The following USP40 variants were observed in gnomAD, a reference collection of about 807,000 sequenced individuals.
USP40 encodes ubiquitin carboxyl-terminal hydrolase 40.
A neutral mutation model predicts 166.2 loss-of-function variants in USP40; 143 were observed. That is an observed-to-expected ratio of 0.86 (90% CI 0.75 to 0.99). The LOEUF is 0.99. Ranked by LOEUF, USP40 falls within the 50% of genes least tolerant of loss-of-function variation. USP40 has a pLI of 0.00. For synonymous variants in USP40, 498 were observed against 524.0 expected, an observed-to-expected ratio of 0.95 and a Z score of 0.68; for missense variants, 1,444 against 1,479.7, an observed-to-expected ratio of 0.98 and a Z score of 0.40.
rs750860688 is a variant in USP40 at position 233,489,404 on chromosome 2, C to T, written c.3092G>A (p.Arg1031His). 1.1e-5 allele frequency: 18 copies of T among 1,602,228 alleles called. No homozygotes were observed. The highest frequency in any genetic ancestry group is 5.1e-5 in the Admixed American group (3 of 58,616). The change falls in exon 27 of 32, where the codon CGC becomes CAC. Residue 1031 changes from arginine to histidine, a missense_variant. Transcript: ENST00000678225. ...HLRAWTVERKRPGRLLRTDRQ... is the reference protein window; with the variant it reads ...HLRAWTVERKHPGRLLRTDRQ... ...GTCAGTTCGTAAAAGCCTGCCTGGG[C>T]GCTTCCTCTCCACCGTCCAGGCTCT... is the stretch of plus-strand genomic sequence containing the variant.
rs759195475 is a variant in USP40, at chr2:233,486,674, T to A, written c.3198-697A>T. 2.6e-5 allele frequency among the ~76,000 whole-genome samples: 4 copies of A among 152,166 alleles called. No homozygotes were observed. Among genetic ancestry groups the A allele is most frequent in the Non-Finnish European group, 5.9e-5 (4 of 68,032 alleles). ...GAATGATTTTTAGATGTACTTCTAT[T>A]AAGTGTTTTTACCATCAAAAGAGGT... On this transcript the variant is annotated intron_variant, in intron 28 of 31. Transcript: ENST00000678225. This position sits in a 1 kb window ranked among gnomAD's most constrained non-coding sequence, Gnocchi z 4.0.
chr2:233,547,388 C>T (rs2070062767), intron 8 of USP40, among the ~76,000 whole-genome samples: 1 of 152,138 alleles, frequency 6.6e-6, no homozygotes, highest in Non-Finnish European at 1.5e-5. Flanking sequence ...GTTCCAAATA[C>T]AACTGATAGA....
intron 5 of USP40, among the ~76,000 whole-genome samples, chr2:233,554,869 G>C (rs906461007): frequency 5.3e-5 from 8 of 152,170 alleles, no homozygotes; most frequent in African/African-American, 1.7e-4. Context: ...TACTGTTTTA[G>C]ACTAGACTAT....
chr2:233,523,584 A>C, intron 15 of USP40, 95 bp from the exon 16 acceptor site: 4 of 1,170,460 alleles, frequency 3.4e-6, no homozygotes, highest in Non-Finnish European at 3.5e-6. Flanking sequence ...AACAACCCTC[A>C]TTTTTTCCAA....
At chr2:233,496,892 T>A in intron 23 of USP40, 60 bp from the exon 24 acceptor site, 2 of 1,350,824 alleles carry the variant, frequency 1.5e-6, no homozygotes, top group Non-Finnish European at 2.1e-6. Flanking sequence ...AGATCATTGA[T>A]CTTTTTAAAA....
Position 233,554,493 on chromosome 2 carries a change from T to C in USP40, c.580A>G (p.Asn194Asp). 3.7e-6 allele frequency: 6 copies of C among 1,611,788 alleles called. No homozygotes were observed. Among genetic ancestry groups the C allele is most frequent in the Non-Finnish European group, 5.1e-6 (6 of 1,179,230 alleles). ...AGAGCATCTTCCAAACCGGATACAT[T>C]TTTGACTGCTACTGTTAGATCTAAG... ...DFLDLTVAVKNVSGLEDALWN... is the reference protein window; with the variant it reads ...DFLDLTVAVKDVSGLEDALWN... Residue 194 changes from asparagine to aspartate, a missense_variant, in exon 6 of 32, where the codon AAT (asparagine) becomes GAT (aspartate). By Grantham distance (23) the Asn-to-Asp change is conservative (BLOSUM62 1). Coordinates refer to ENST00000678225, the MANE Select transcript of USP40 (RefSeq NM_001365479.2).
intron 26 of USP40, 108 bp downstream of exon 26, chr2:233,491,059 A>G (rs979829665): frequency 1.6e-5 from 14 of 883,000 alleles, no homozygotes; most frequent in Non-Finnish European, 2.6e-5. Context: ...GACAAATGCC[A>G]TATCAGAACA....
chr2:233,489,401 G>C lies in USP40; in HGVS notation c.3095C>G (p.Pro1032Arg), dbSNP rs766621632. The change falls in exon 27 of 32, where the codon CCA (proline) becomes CGA (arginine). Residue 1032 changes from proline to arginine, a missense_variant. Transcript: ENST00000678225. ...LRAWTVERKRPGRLLRTDRQP... is the reference protein window; with the variant it reads ...LRAWTVERKRRGRLLRTDRQP... ...CCGGTCAGTTCGTAAAAGCCTGCCT[G>C]GGCGCTTCCTCTCCACCGTCCAGGC... 4 of 1,601,498 alleles carry C rather than the reference G, an allele frequency of 2.5e-6. No individual in the cohort carries two copies. The highest frequency in any genetic ancestry group is 2.6e-6 in the Non-Finnish European group (3 of 1,174,366).
intron 10 of USP40, 141 bp from the exon 11 acceptor site, chr2:233,533,920 T>A (rs1249804630): frequency 1.2e-6 from 1 of 845,132 alleles, no homozygotes; most frequent in Non-Finnish European, 1.8e-6. Flanking sequence ...CGGGGGAAAA[T>A]CCATCTAGGT....
chr2:233,549,199 C>G lies in USP40; in HGVS notation c.868G>C (p.Asp290His), dbSNP rs767088839. Reference sequence around the variant, plus strand: ...TTGTGTATAATAACTGAGAAGAGGTCATATATATATTCTAAGTCATCCAAT... The same window carrying G: ...TTGTGTATAATAACTGAGAAGAGGTGATATATATATTCTAAGTCATCCAAT... ...SELDDLEYIY[D>H]LFSVIIHKGG... Residue 290 changes from aspartate to histidine, a missense_variant, in exon 8 of 32, where the codon GAC becomes CAC. By Grantham distance (81) the Asp-to-His change is moderately conservative. Coordinates refer to ENST00000678225, the MANE Select transcript of USP40 (RefSeq NM_001365479.2). 6.7e-7 allele frequency: 1 copy of G among 1,502,656 alleles called. No individual in the cohort carries two copies. The highest frequency in any genetic ancestry group is 9.2e-7 in the Non-Finnish European group (1 of 1,091,622). The allele number at this position is 1,502,656 out of a possible 1,614,324, so 93.1% of individuals were successfully genotyped here.
At chr2:233,522,175 C>G (rs2067703912) in intron 16 of USP40, among the ~76,000 whole-genome samples, 1 of 152,110 alleles carries the variant, frequency 6.6e-6, no homozygotes, top group East Asian at 1.9e-4. Context: ...TAATGGAAAG[C>G]AGGATACAAC....
At chr2:233,494,916 A>ATTTATATATATATATATATT (rs3075063) in intron 24 of USP40, among the ~76,000 whole-genome samples, 1 of 8,578 alleles carries the variant, frequency 1.2e-4, no homozygotes, top group African/African-American at 6.5e-4. Flanking sequence ...GCAAAATGGC[A>ATTTATATATATATATATATT]TATATATATA....
chr2:233,555,938 C>T (rs1017209839), intron 5 of USP40, among the ~76,000 whole-genome samples: 2 of 151,638 alleles, frequency 1.3e-5, no homozygotes, highest in Admixed American at 1.3e-4. Flanking sequence ...CATGGTGAAA[C>T]CCCGTCTCTA....
rs142048378 is a variant in USP40 at position 233,506,008 on chromosome 2, A to G, written c.2613+4041T>C. On this transcript the variant is annotated intron_variant, in intron 21 of 31. Transcript: ENST00000678225. ...ATTCATCCCAAGGATGAAAAAATTC[A>G]TAAGGAACCACAAAAAAACCCAAAT... is the stretch of plus-strand genomic sequence containing the variant. Among the ~76,000 whole-genome samples, 977 of 152,284 alleles carry G rather than the reference A, an allele frequency of 6.4e-3. 4 individuals are homozygous for G. The highest frequency in any genetic ancestry group is 0.022 in the African/African-American group (924 of 41,558).
intron 21 of USP40, among the ~76,000 whole-genome samples, 196 bp downstream of exon 21, chr2:233,509,838 TAAAAAAAAAAAAAAA>T (rs746629187): frequency 2.5e-5 from 2 of 80,796 alleles, no homozygotes; most frequent in South Asian, 9.0e-4. Context: ...TGAGACTCTC[TAAAAAAAAAAAAAAA>T]AAAAAAAAAA....
intron 13 of USP40, among the ~76,000 whole-genome samples, chr2:233,526,829 A>C (rs1281659569): frequency 6.6e-6 from 1 of 152,208 alleles, no homozygotes; most frequent in East Asian, 1.9e-4. Context: ...ATGTGTCTTC[A>C]TGAGATTAAA....
At chr2:233,564,070 G>A (rs2071915725) in intron 2 of USP40, among the ~76,000 whole-genome samples, 1 of 152,166 alleles carries the variant, frequency 6.6e-6, no homozygotes, top group Admixed American at 6.5e-5. Context: ...GCATCAGGGA[G>A]ATATTTTTAT....
intron 21 of USP40, among the ~76,000 whole-genome samples, chr2:233,502,375 TA>T (rs1378554699): frequency 6.6e-6 from 1 of 152,060 alleles, no homozygotes; most frequent in Non-Finnish European, 1.5e-5. Context: ...GTGTTGGATT[TA>T]AAAAAAATTT....
At chr2:233,490,274 C>T (rs1415338398) in intron 26 of USP40, among the ~76,000 whole-genome samples, 1 of 151,134 alleles carries the variant, frequency 6.6e-6, no homozygotes, top group Non-Finnish European at 1.5e-5. Context: ...AGTGATTCTC[C>T]TGCCTCAGCC....
Sources: gnomAD v4.1 joint callset for allele counts (sites outside exome capture counted in the v4.1 genomes callset) on GRCh38, gnomAD v4.1.1 for gene constraint, Gnocchi (gnomAD v3.1) non-coding constraint, MANE v1.5 for transcripts, NCBI Gene and HGNC (gene_info 2026-07-23, HGNC 2026-07-21) for gene names.